The following TXLNB variants were observed in gnomAD, a reference collection of about 807,000 sequenced individuals.
TXLNB encodes beta-taxilin.
TXLNB carries 37 observed loss-of-function variants against 57.4 expected under a neutral mutation model. The observed-to-expected ratio is 0.64, with a 90% CI of 0.50 to 0.85. TXLNB has a LOEUF of 0.85. Among genes scored for constraint, TXLNB ranks in the 40% least tolerant of loss-of-function variants. The pLI, the probability that TXLNB is intolerant of heterozygous loss-of-function variation, is 0.00. For missense variants in TXLNB, 848 were observed against 825.6 expected (o/e 1.03, Z -0.33); for synonymous variants, 302 against 309.6 (o/e 0.98, Z 0.26).
At chr6:139,256,604 A>G (rs1332672775) in intron 6 of TXLNB, among the ~76,000 whole-genome samples, 2 of 152,268 alleles carry the variant, frequency 1.3e-5, no homozygotes, top group African/African-American at 2.4e-5. Context: ...CTGGGATCAT[A>G]GGCGTGAGCC....
intron 4 of TXLNB, among the ~76,000 whole-genome samples, chr6:139,263,841 T>C (rs1292871151): frequency 6.6e-6 from 1 of 152,232 alleles, no homozygotes; most frequent in African/African-American, 2.4e-5. Flanking sequence ...AAAATTATAC[T>C]GAATTTGATT....
chr6:139,272,784 A>G (rs1252526933), intron 3 of TXLNB, among the ~76,000 whole-genome samples: 1 of 152,240 alleles, frequency 6.6e-6, no homozygotes, highest in Non-Finnish European at 1.5e-5. Flanking sequence ...CTGTAATCCC[A>G]GCACTCTGGG....
downstream of TXLNB, among the ~76,000 whole-genome samples, chr6:139,235,772 C>A (rs746076897): frequency 1.9e-4 from 29 of 152,074 alleles, no homozygotes; most frequent in Non-Finnish European, 4.3e-4. Context: ...TTTCCAAGAC[C>A]ATCCGGGCCC....
chr6:139,190,840 G>T, the TXLNB span, among the ~76,000 whole-genome samples: 1 of 152,140 alleles, frequency 6.6e-6, no homozygotes, highest in African/African-American at 2.4e-5. Flanking sequence ...TCACCTTGGG[G>T]CTTAGAGTTT....
the TXLNB span, among the ~76,000 whole-genome samples, chr6:139,226,435 T>C: frequency 6.8e-6 from 1 of 147,062 alleles, no homozygotes; most frequent in African/African-American, 2.5e-5. Context: ...TCAAAAAAGG[T>C]AAAAGATTGA....
In TXLNB at chr6:139,276,932, A is replaced by C. The variant is rs374167221; in HGVS notation, c.425-11T>G. 9.1e-5 allele frequency: 143 copies of C among 1,577,406 alleles called. 1 individual carries two copies. The highest frequency in any genetic ancestry group is 1.4e-4 in the Admixed American group (7 of 50,400). ...GGTTGGCTTCTTTGCCTTAAAAAAA[A>C]AAGACATGAAAAAAATAAGTGTTGA... On this transcript the variant is annotated splice_polypyrimidine_tract_variant and intron_variant, in intron 2 of 9. Coordinates refer to ENST00000358430, the MANE Select transcript of TXLNB (RefSeq NM_153235.4).
At position 139,244,624 on chromosome 6, in the gene TXLNB, T is replaced by TA. The variant is rs748161544; in HGVS notation, c.1236dup (p.Asn413Ter). On this transcript the variant is annotated frameshift_variant, in exon 9 of 10. Coordinates refer to ENST00000358430, the MANE Select transcript of TXLNB (RefSeq NM_153235.4). LOFTEE classifies it low-confidence loss of function (END_TRUNC). ...TCAATCATGTCCAACAGAGCTTTGT[T>TA]ACAGTTCTCAAATCGGGCTTTCCAT... is the stretch of plus-strand genomic sequence containing the variant. 1 of 1,613,944 alleles carries TA rather than the reference T, an allele frequency of 6.2e-7. No individual in the cohort carries two copies. Among genetic ancestry groups the TA allele is most frequent in the Non-Finnish European group, 8.5e-7 (1 of 1,179,794 alleles).
At chr6:139,297,773 G>A in the TXLNB span, among the ~76,000 whole-genome samples, 1 of 152,258 alleles carries the variant, frequency 6.6e-6, no homozygotes, top group Middle Eastern at 3.4e-3. Flanking sequence ...CCTGTGAATG[G>A]GAATTAATAT....
chr6:139,174,432 G>T, the TXLNB span: 1 of 1,614,052 alleles, frequency 6.2e-7, no homozygotes, highest in Non-Finnish European at 8.5e-7. Context: ...CCTGGAAGGG[G>T]TTCACAAGAT....
the TXLNB span, among the ~76,000 whole-genome samples, chr6:139,226,859 T>C: frequency 1.3e-5 from 2 of 151,746 alleles, no homozygotes; most frequent in African/African-American, 4.8e-5. Context: ...AAACCCCGTC[T>C]CTACAAAAGA....
the TXLNB span, among the ~76,000 whole-genome samples, chr6:139,305,923 G>C: frequency 6.6e-6 from 1 of 152,120 alleles, no homozygotes; most frequent in Admixed American, 6.5e-5. Flanking sequence ...TTGGAATTAA[G>C]TATAGAACAA....
At chr6:139,204,510 G>T in the TXLNB span, among the ~76,000 whole-genome samples, 1 of 152,202 alleles carries the variant, frequency 6.6e-6, no homozygotes, top group African/African-American at 2.4e-5. Flanking sequence ...CCAGGGAGGG[G>T]TCACAGGGTG....
At chr6:139,215,482 G>A in the TXLNB span, among the ~76,000 whole-genome samples, 1 of 152,032 alleles carries the variant, frequency 6.6e-6, no homozygotes, top group Admixed American at 6.6e-5. Context: ...AATTCAAGAT[G>A]GATTAAAGAC....
At chr6:139,193,076 A>G in the TXLNB span, among the ~76,000 whole-genome samples, 1 of 152,120 alleles carries the variant, frequency 6.6e-6, no homozygotes. Context: ...TCATACTTAA[A>G]TTCTTCAAAG....
chr6:139,198,985 T>A, the TXLNB span, among the ~76,000 whole-genome samples: 5 of 151,356 alleles, frequency 3.3e-5, no homozygotes, highest in South Asian at 2.1e-4. Flanking sequence ...TTTTTTTTTT[T>A]AAATCATCCA....
chr6:139,196,805 A>T, the TXLNB span, among the ~76,000 whole-genome samples: 10 of 152,308 alleles, frequency 6.6e-5, no homozygotes, highest in South Asian at 2.1e-4. Context: ...AAAAACACTC[A>T]TTGAGTTCTA....
chr6:139,197,206 A>G, the TXLNB span, among the ~76,000 whole-genome samples: 3 of 152,172 alleles, frequency 2.0e-5, no homozygotes, highest in South Asian at 2.1e-4. Context: ...GTCTTTTCTG[A>G]CTGTTGAAAA....
At chr6:139,223,345 G>A in the TXLNB span, among the ~76,000 whole-genome samples, 1 of 151,934 alleles carries the variant, frequency 6.6e-6, no homozygotes, top group East Asian at 1.9e-4. Flanking sequence ...ATTGGGATGG[G>A]GAAGGAAGAA....
At chr6:139,249,928 C>T (rs1275669159) in intron 7 of TXLNB, among the ~76,000 whole-genome samples, 2 of 152,008 alleles carry the variant, frequency 1.3e-5, no homozygotes, top group African/African-American at 4.8e-5. Flanking sequence ...CAAGAAGGGG[C>T]TCTAGGGTTT....
Sources: allele counts gnomAD v4.1 joint callset (sites outside exome capture counted in the v4.1 genomes callset), GRCh38; gene constraint gnomAD v4.1.1; transcripts MANE v1.5; gene names NCBI Gene and HGNC (gene_info 2026-07-23, HGNC 2026-07-21).